ERC2: variants seen among roughly 807,000 people sequenced by gnomAD.
ERC2 encodes ERC protein 2.
A neutral mutation model predicts 114.8 loss-of-function variants in ERC2; 42 were observed. The observed-to-expected ratio is 0.37, with a 90% CI of 0.29 to 0.47. The LOEUF is 0.47. ERC2 is among the 20% of genes least tolerant of loss of function. ERC2 has a pLI of 0.99. For missense variants in ERC2, 939 were observed against 1,150.7 expected, an observed-to-expected ratio of 0.82 and a Z score of 2.66; for synonymous variants, 454 against 425.5, an observed-to-expected ratio of 1.07 and a Z score of -0.82.
chr3:55,628,143 T>C (rs2059595790), intron 17 of ERC2, among the ~76,000 whole-genome samples: 1 of 68,402 alleles, frequency 1.5e-5, no homozygotes, highest in Non-Finnish European at 2.8e-5. Flanking sequence ...ATTTTGTATC[T>C]TTTCTCCTTC....
rs567347672 is a variant in ERC2 at position 56,215,412 on chromosome 3, G to C, written c.1075-41892C>G. On this transcript the variant is annotated intron_variant, in intron 3 of 17. Transcript: ENST00000288221. ...AGACAAAGAAGGCCATTACATAATG[G>C]TAAAGGGATCAATTCAACAAGAAGA... is the stretch of plus-strand genomic sequence containing the variant. 1.2e-3 allele frequency among the ~76,000 whole-genome samples: 181 copies of C among 152,278 alleles called. 1 individual carries two copies. The highest frequency in any genetic ancestry group is 4.2e-3 in the African/African-American group (175 of 41,564).
chr3:55,634,703 T>C (rs531216649), intron 17 of ERC2, among the ~76,000 whole-genome samples: 1 of 152,336 alleles, frequency 6.6e-6, no homozygotes, highest in South Asian at 2.1e-4. Context: ...GAAACTCTGG[T>C]TTGCATTTAT....
At chr3:56,176,433 A>G (rs1411086246) in intron 3 of ERC2, among the ~76,000 whole-genome samples, 1 of 152,226 alleles carries the variant, frequency 6.6e-6, no homozygotes, top group Non-Finnish European at 1.5e-5. Context: ...CTAAACTTGT[A>G]GCAACAGTTA....
intron 17 of ERC2, among the ~76,000 whole-genome samples, chr3:55,669,246 G>A (rs888935357): frequency 6.6e-6 from 1 of 152,262 alleles, no homozygotes; most frequent in South Asian, 2.1e-4. Flanking sequence ...CACTTTTCAT[G>A]TGATTTCTGA....
intron 14 of ERC2, among the ~76,000 whole-genome samples, chr3:55,827,431 G>C (rs917979930): frequency 2.1e-4 from 32 of 151,462 alleles, no homozygotes; most frequent in African/African-American, 7.8e-4. Flanking sequence ...GAAAAGAGAG[G>C]GAGGGAGGGA....
chr3:56,231,969 GT>G lies in ERC2; in HGVS notation c.1075-58450del, dbSNP rs58096058. Among the ~76,000 whole-genome samples the G allele has an allele frequency of 0.024, 3,470 of 146,192 alleles. 307 individuals carry two copies. In the East Asian group the frequency reaches 0.29, roughly 12 times the overall value. ...TTATAGAATGTAAGACCTAGACATA[GT>G]TTTTTTTTTTTCTTTTTTGAAACAA... On this transcript the variant is annotated intron_variant, in intron 3 of 17. Coordinates refer to ENST00000288221, the MANE Select transcript of ERC2 (RefSeq NM_015576.3).
chr3:56,216,789 C>T (rs1280040617), intron 3 of ERC2, among the ~76,000 whole-genome samples: 1 of 152,158 alleles, frequency 6.6e-6, no homozygotes, highest in Non-Finnish European at 1.5e-5. Flanking sequence ...AAAGCTTGTC[C>T]ACCATGATCA....
At chr3:56,389,758 A>T (rs995308738) in intron 2 of ERC2, among the ~76,000 whole-genome samples, 1 of 152,140 alleles carries the variant, frequency 6.6e-6, no homozygotes, top group African/African-American at 2.4e-5. Flanking sequence ...ATTCCCAGAA[A>T]TCAAGAAACC....
At chr3:56,338,720 G>T (rs2057963994) in intron 2 of ERC2, among the ~76,000 whole-genome samples, 1 of 152,204 alleles carries the variant, frequency 6.6e-6, no homozygotes, top group African/African-American at 2.4e-5. Flanking sequence ...TACAGTGACT[G>T]TTCTGAGGGG....
rs10576433 is a variant in ERC2, at chr3:56,307,828, GCACACACACACA to G, written c.658-11405_658-11394del. Among the ~76,000 whole-genome samples, 1,375 of 147,648 alleles carry G rather than the reference GCACACACACACA, an allele frequency of 9.3e-3. 20 individuals carry two copies. Among genetic ancestry groups the G allele is most frequent in the African/African-American group, 0.031 (1,248 of 39,820 alleles). On this transcript the variant is annotated intron_variant, in intron 2 of 17. Transcript: ENST00000288221. Reference sequence around the variant, plus strand: ...TCATGTATTCACTATACACACACTTGCACACACACACACACACACACACACACACACACAGAA... The same window carrying G: ...TCATGTATTCACTATACACACACTTGCACACACACACACACACACACAGAA...
chr3:56,248,091 G>T (rs927226138), intron 3 of ERC2, among the ~76,000 whole-genome samples: 1 of 151,938 alleles, frequency 6.6e-6, no homozygotes, highest in Admixed American at 6.6e-5. Flanking sequence ...TAGTTTGTTG[G>T]TTTATTTTTT....
chr3:56,155,206 G>A (rs2081632973), intron 4 of ERC2, among the ~76,000 whole-genome samples: 1 of 151,940 alleles, frequency 6.6e-6, no homozygotes, highest in African/African-American at 2.4e-5. Context: ...AAATTGTGTG[G>A]CCCTGCCCAG....
At chr3:55,533,811 C>A (rs1172373540) in intron 17 of ERC2, among the ~76,000 whole-genome samples, 1 of 152,232 alleles carries the variant, frequency 6.6e-6, no homozygotes, top group Admixed American at 6.5e-5. Flanking sequence ...TCTGCATTTT[C>A]TCCCTTCCAG....
intron 13 of ERC2, among the ~76,000 whole-genome samples, chr3:55,932,461 CAT>C (rs2066156761): frequency 6.6e-6 from 1 of 152,176 alleles, no homozygotes; most frequent in Non-Finnish European, 1.5e-5. Context: ...CTGCCTGGTT[CAT>C]ACTGTTATGA....
chr3:55,962,127 C>A (rs953435889), intron 12 of ERC2, among the ~76,000 whole-genome samples: 1 of 151,896 alleles, frequency 6.6e-6, no homozygotes, highest in Non-Finnish European at 1.5e-5. Flanking sequence ...TCTAAGAGGC[C>A]GAGGTCAAAA....
At chr3:56,416,248 C>A (rs1241173559) in intron 2 of ERC2, among the ~76,000 whole-genome samples, 1 of 152,080 alleles carries the variant, frequency 6.6e-6, no homozygotes, top group Admixed American at 6.5e-5. Flanking sequence ...TTATCTGGAC[C>A]TTCTCTGACC....
chr3:55,799,462 T>TATGTATGC (rs2070860733), intron 14 of ERC2, among the ~76,000 whole-genome samples: 2 of 98,456 alleles, frequency 2.0e-5, no homozygotes, highest in Non-Finnish European at 4.4e-5. Flanking sequence ...TATATATATA[T>TATGTATGC]ATATATATAT....
intron 12 of ERC2, among the ~76,000 whole-genome samples, chr3:55,982,290 A>G (rs1156723357): frequency 6.6e-6 from 1 of 152,298 alleles, no homozygotes; most frequent in East Asian, 1.9e-4. Flanking sequence ...GTGGCAAAAG[A>G]TCCCATCTGT....
chr3:55,691,670 CAT>C (rs904308961), intron 16 of ERC2, among the ~76,000 whole-genome samples: 1 of 142,038 alleles, frequency 7.0e-6, no homozygotes, highest in African/African-American at 2.6e-5. Flanking sequence ...AAGCCTAAAA[CAT>C]GTAACTTTTC....
Sources: gnomAD v4.1 joint callset for allele counts (sites outside exome capture counted in the v4.1 genomes callset) on GRCh38, gnomAD v4.1.1 for gene constraint, MANE v1.5 for transcripts, NCBI Gene and HGNC (gene_info 2026-07-23, HGNC 2026-07-21) for gene names.